Variants in SEC23A observed in about 807,000 individuals in gnomAD.
SEC23A encodes SEC23 homolog A, COPII component.
A neutral mutation model predicts 103.7 loss-of-function variants in SEC23A; 56 were observed. The observed-to-expected ratio is 0.54, with a 90% CI of 0.44 to 0.67. The LOEUF (loss-of-function observed/expected upper bound fraction) is 0.67. SEC23A is among the 30% of genes least tolerant of loss of function. SEC23A has a pLI of 0.00. For missense variants in SEC23A, 784 were observed against 936.4 expected (o/e 0.84, Z 2.12); for synonymous variants, 281 against 293.0 (o/e 0.96, Z 0.42).
chr14:39,066,853 ACT>A (rs1277979582), intron 10 of SEC23A, among the ~76,000 whole-genome samples: 2 of 152,134 alleles, frequency 1.3e-5, no homozygotes, highest in East Asian at 1.9e-4. Context: ...ACAGAGGAAG[ACT>A]CTGTCTCAAA....
intron 14 of SEC23A, among the ~76,000 whole-genome samples, chr14:39,049,204 G>A (rs931919244): frequency 5.9e-5 from 9 of 151,354 alleles, no homozygotes; most frequent in South Asian, 2.1e-4. Context: ...GTGGCCGGGC[G>A]CAGTGGCTCA....
rs1438820052 is a variant in SEC23A at position 39,033,191 on chromosome 14, T to C, written c.*48A>G. The C allele has an allele frequency of 2.9e-6, 4 of 1,382,320 alleles. No individual in the cohort carries two copies. The highest frequency in any genetic ancestry group is 3.4e-5 in the Admixed American group (2 of 59,480). 85.6% of individuals were successfully genotyped at this position (1,382,320 alleles called of 1,614,324 possible). A position where few individuals can be genotyped will look rare whatever the true frequency, so the allele number is the denominator to read the frequency against. On this transcript the variant is annotated 3_prime_UTR_variant, in exon 20 of 20. Transcript: ENST00000307712. ...TAAATGGAAAAAGGAAAAAATGAAA[T>C]TTGAATATTATTTCATCTTCTTAAG...
chr14:39,083,217 A>T (rs1887287951), intron 7 of SEC23A, among the ~76,000 whole-genome samples: 1 of 152,136 alleles, frequency 6.6e-6, no homozygotes, highest in African/African-American at 2.4e-5. Flanking sequence ...CAAGCTGGAA[A>T]CTGCTTCGGG....
chr14:39,101,342 G>A (rs12050216), intron 1 of SEC23A, among the ~76,000 whole-genome samples: 5 of 152,102 alleles, frequency 3.3e-5, no homozygotes, highest in East Asian at 3.9e-4. Flanking sequence ...TTCCCTGGCC[G>A]GGCGCGGTGG....
chr14:39,100,436 C>A (rs1236572601), intron 1 of SEC23A, among the ~76,000 whole-genome samples: 2 of 139,310 alleles, frequency 1.4e-5, no homozygotes, highest in Non-Finnish European at 3.1e-5. Context: ...TTTTTTGAGA[C>A]GGAGTTTCGC....
At chr14:39,042,654 T>C (rs769518920) in intron 17 of SEC23A, 132 bp downstream of exon 17, 3 of 649,082 alleles carry the variant, frequency 4.6e-6, no homozygotes, top group Non-Finnish European at 8.2e-6. Context: ...CAGCATCATA[T>C]TTTATTATTT....
intron 17 of SEC23A, 116 bp from the exon 18 acceptor site, chr14:39,041,003 A>C: frequency 1.8e-6 from 2 of 1,140,298 alleles, no homozygotes; most frequent in Non-Finnish European, 2.3e-6. Flanking sequence ...CCATTATTCC[A>C]TTTACCTCAA....
At chr14:39,057,222 C>T (rs1405923933) in intron 13 of SEC23A, among the ~76,000 whole-genome samples, 1 of 151,770 alleles carries the variant, frequency 6.6e-6, no homozygotes, top group East Asian at 1.9e-4. Flanking sequence ...ATGAGAACTG[C>T]CTTAACCTGG....
At chr14:39,059,731 A>G (rs1886403178) in intron 13 of SEC23A, among the ~76,000 whole-genome samples, 1 of 152,210 alleles carries the variant, frequency 6.6e-6, no homozygotes, top group East Asian at 1.9e-4. Context: ...ACTTCAGTGT[A>G]TATCTCCTAA....
chr14:39,033,393 A>ATTTG, intron 19 of SEC23A, 65 bp from the exon 20 acceptor site: 1 of 1,065,186 alleles, frequency 9.4e-7, no homozygotes, highest in Non-Finnish European at 1.5e-6. Context: ...TTATACACAA[A>ATTTG]TGTTTAAAAT....
At chr14:39,094,443 T>TATA (rs1491476144) in intron 2 of SEC23A, among the ~76,000 whole-genome samples, 1 of 10,806 alleles carries the variant, frequency 9.3e-5, no homozygotes, top group Non-Finnish European at 1.4e-4. Flanking sequence ...TATATATATA[T>TATA]TTTTTTTTTT....
chr14:39,040,904 T>A lies in SEC23A; in HGVS notation c.1987-17A>T. 1 of 1,598,816 alleles carries A rather than the reference T, an allele frequency of 6.3e-7. No individual in the cohort carries two copies. The highest frequency in any genetic ancestry group is 1.3e-5 in the African/African-American group (1 of 74,166). On this transcript the variant is annotated splice_polypyrimidine_tract_variant and intron_variant, in intron 17 of 19. Transcript: ENST00000307712. Reference sequence around the variant, plus strand: ...TGCTATGGTCTAATTTTAAAACAATTAAAGAAATTACTTTAAATTTCTTGC... The same window carrying A: ...TGCTATGGTCTAATTTTAAAACAATAAAAGAAATTACTTTAAATTTCTTGC...
chr14:39,097,244 G>A (rs540373201), intron 1 of SEC23A, among the ~76,000 whole-genome samples: 9 of 152,168 alleles, frequency 5.9e-5, no homozygotes, highest in South Asian at 2.1e-4. Context: ...GCTTTCCTAC[G>A]TAGGCAACAG....
chr14:39,070,975 C>A (rs763578652), intron 9 of SEC23A, among the ~76,000 whole-genome samples: 1 of 151,666 alleles, frequency 6.6e-6, no homozygotes, highest in Non-Finnish European at 1.5e-5. Flanking sequence ...TGCAGTGAGC[C>A]GAGATCGTGC....
intron 4 of SEC23A, among the ~76,000 whole-genome samples, 191 bp from the exon 5 acceptor site, chr14:39,091,904 G>A (rs1182845718): frequency 6.6e-6 from 1 of 152,160 alleles, no homozygotes; most frequent in African/African-American, 2.4e-5. Context: ...TTAAGTTTAA[G>A]AACATGAGGT....
chr14:39,048,780 C>CA (rs1288947789), intron 14 of SEC23A, 51 bp from the exon 15 acceptor site: 1 of 945,370 alleles, frequency 1.1e-6, no homozygotes, highest in Non-Finnish European at 1.7e-6. Flanking sequence ...TAAAAGCTAA[C>CA]ACTGTTGCCT....
chr14:39,047,916 A>C (rs1885899168), intron 15 of SEC23A, among the ~76,000 whole-genome samples: 1 of 152,206 alleles, frequency 6.6e-6, no homozygotes, highest in Non-Finnish European at 1.5e-5. Context: ...ATATTCTGTA[A>C]GGTAAATCAA....
intron 14 of SEC23A, among the ~76,000 whole-genome samples, chr14:39,053,496 G>A (rs899844556): frequency 2.0e-5 from 3 of 151,114 alleles, no homozygotes; most frequent in Admixed American, 6.6e-5. Flanking sequence ...TGGACCCTAT[G>A]AGAGGATTAA....
chr14:39,064,935 T>C lies in SEC23A; in HGVS notation c.1286A>G (p.Lys429Arg). The C allele has an allele frequency of 6.2e-7, 1 of 1,612,652 alleles. No homozygotes were observed. ...TACATTTTCAGACACACAGGGTCCTTTAGAATTGAGTGACACACAGGGTCC... is the reference window on the plus strand; with the variant it reads ...TACATTTTCAGACACACAGGGTCCTCTAGAATTGAGTGACACACAGGGTCC... ...AIGPCVSLNS[K>R]GPCVSENEIG... Residue 429 changes from lysine to arginine, a missense_variant, in exon 11 of 20, where the codon AAA becomes AGA. This residue lies in a region of SEC23A where 683 missense variants were observed against 774.2 expected (regional missense o/e 0.88). Transcript: ENST00000307712.
Sources: allele counts gnomAD v4.1 joint callset (sites outside exome capture counted in the v4.1 genomes callset), GRCh38; gene constraint gnomAD v4.1.1; regional missense constraint gnomAD v4.1.1; transcripts MANE v1.5; gene names NCBI Gene and HGNC (gene_info 2026-07-23, HGNC 2026-07-21).